SETX: variants seen among roughly 807,000 people sequenced by gnomAD.
The protein encoded by SETX is helicase senataxin.
Under a neutral mutation model 227.2 loss-of-function variants are expected in SETX, and 90 were observed. The observed-to-expected ratio is 0.40, with a 90% CI of 0.33 to 0.47. SETX has a LOEUF of 0.47. SETX is among the 20% of genes least tolerant of loss of function. The probability of loss-of-function intolerance (pLI) is 0.91; values close to 1 mark genes in which losing one functional copy is unlikely to be tolerated. For synonymous variants in SETX, 1,210 were observed against 1,113.2 expected (o/e 1.09, Z -1.73); for missense variants, 3,052 against 3,181.5 (o/e 0.96, Z 0.98).
At chr9:132,333,477 T>G (rs1371262084) in intron 7 of SETX, among the ~76,000 whole-genome samples, 1 of 117,524 alleles carries the variant, frequency 8.5e-6, no homozygotes, top group East Asian at 2.7e-4. Flanking sequence ...AACAAAAGAA[T>G]AACATTAATA....
chr9:132,344,747 C>G (rs511844), intron 4 of SETX, among the ~76,000 whole-genome samples: 317 of 151,490 alleles, frequency 2.1e-3, no homozygotes, highest in Middle Eastern at 0.014. Context: ...TAGTGGCAGG[C>G]GCCTGTAATC....
At chr9:132,303,214 C>T (rs11243722) in intron 11 of SETX, among the ~76,000 whole-genome samples, 1 of 151,024 alleles carries the variant, frequency 6.6e-6, no homozygotes, top group Non-Finnish European at 1.5e-5. Context: ...GTAGAGACAG[C>T]GTCTTGCTAT....
At chr9:132,335,170 C>T (rs937664746) in intron 6 of SETX, among the ~76,000 whole-genome samples, 1 of 151,774 alleles carries the variant, frequency 6.6e-6, no homozygotes, top group Non-Finnish European at 1.5e-5. Flanking sequence ...GCGGGCAGAT[C>T]ACAAAGTCAG....
At chr9:132,340,437 T>TG (rs2131528159) in intron 5 of SETX, among the ~76,000 whole-genome samples, 1 of 152,400 alleles carries the variant, frequency 6.6e-6, no homozygotes, top group African/African-American at 2.4e-5. Flanking sequence ...CTTTTCACTC[T>TG]GGGGTACTGG....
intron 1 of SETX, among the ~76,000 whole-genome samples, chr9:132,354,639 A>G (rs1020441157): frequency 6.6e-6 from 1 of 151,974 alleles, no homozygotes; most frequent in African/African-American, 2.4e-5. Flanking sequence ...ATCCACACCA[A>G]AAACAGCTCA....
In SETX at chr9:132,281,527, G is replaced by T. The variant is rs777688043; in HGVS notation, c.6594C>A (p.Arg2198=). The T allele has an allele frequency of 6.2e-7, 1 of 1,614,096 alleles. No individual in the cohort carries two copies. The highest frequency in any genetic ancestry group is 1.1e-5 in the South Asian group (1 of 91,086). Residue 2198 remains arginine (R), a synonymous_variant, in exon 20 of 26, where the codon CGC becomes CGA. Transcript: ENST00000224140. The stretch of plus-strand genomic sequence containing the variant: ...CTCCTACTAGGATGAGCTTATTGCA[G>T]CGATGGATGAGTGGAGTAAGAGTCT... ...EIETLTPLIH[R]CNKLILVGDP...
chr9:132,326,130 C>T (rs574192645), intron 10 of SETX, among the ~76,000 whole-genome samples, 194 bp downstream of exon 10: 22 of 151,746 alleles, frequency 1.4e-4, no homozygotes, highest in African/African-American at 5.3e-4. Context: ...TGCAGTGGCG[C>T]GACCTCGGCT....
At chr9:132,267,610 T>C (rs1018910336) in intron 25 of SETX, among the ~76,000 whole-genome samples, 2 of 152,242 alleles carry the variant, frequency 1.3e-5, no homozygotes, top group Admixed American at 1.3e-4. Context: ...CCAGCTGACA[T>C]GTCGGGAAGT....
In SETX at chr9:132,330,256, C is replaced by A. The variant is rs772698912; in HGVS notation, c.1342G>T (p.Asp448Tyr). 1 of 1,579,500 alleles carries A rather than the reference C, an allele frequency of 6.3e-7. No individual in the cohort carries two copies. Among genetic ancestry groups the A allele is most frequent in the Admixed American group, 1.8e-5 (1 of 56,552 alleles). ...TCAGTGACTTTGTCACACACAGCAT[C>A]TGTTTGGTTGAGGACTTCTTTGACT... ...SEVKEVLNQT[D>Y]AVCDKVTEFF... Residue 448 changes from aspartate to tyrosine, a missense_variant, in exon 10 of 26, where the codon GAT becomes TAT. Around this residue, in one of 10 missense-constraint regions of SETX, gnomAD observed 179 missense variants for 197.1 expected, o/e 0.91. Transcript: ENST00000224140.
chr9:132,311,123 T>C (rs1589700586), intron 11 of SETX, among the ~76,000 whole-genome samples: 1 of 152,122 alleles, frequency 6.6e-6, no homozygotes, highest in East Asian at 1.9e-4. Context: ...CCCGCCACCA[T>C]GCCTGGCTAA....
In SETX at chr9:132,278,076, G is replaced by A; in HGVS notation, c.6836C>T (p.Thr2279Ile). Residue 2279 changes from threonine to isoleucine, a missense_variant, in exon 21 of 26, where the codon ACA becomes ATA. Around this residue, in one of 10 missense-constraint regions of SETX, gnomAD observed 412 missense variants for 589.0 expected, o/e 0.70. Transcript: ENST00000224140. ...AACAATAAGGGGAACTCACCTATTT[G>A]TTTTTAAGTTTCTGTTATAAACATA... ...SNYVYNRNLKTNRQTEAIRCS... is the reference protein window; with the variant it reads ...SNYVYNRNLKINRQTEAIRCS... 6.2e-7 allele frequency: 1 copy of A among 1,613,592 alleles called. No homozygotes were observed. The highest frequency in any genetic ancestry group is 1.1e-5 in the South Asian group (1 of 91,062).
chr9:132,349,257 G>T lies in SETX; in HGVS notation c.172C>A (p.His58Asn). 6.2e-7 allele frequency: 1 copy of T among 1,613,724 alleles called. No individual in the cohort carries two copies. The highest frequency in any genetic ancestry group is 8.5e-7 in the Non-Finnish European group (1 of 1,179,972). The change falls in exon 3 of 26, where the codon CAT (histidine) becomes AAT (asparagine). Residue 58 changes from histidine (H) to asparagine (N), a missense_variant. Around this residue, in one of 10 missense-constraint regions of SETX, gnomAD observed 152 missense variants for 156.2 expected, o/e 0.97. Coordinates refer to ENST00000224140, the MANE Select transcript of SETX (RefSeq NM_015046.7). Reference sequence around the variant, plus strand: ...GCCCATCTAATATATTTTACCTCATGCAAGAATGGCAATTCATCTCTTGCT... The same window carrying T: ...GCCCATCTAATATATTTTACCTCATTCAAGAATGGCAATTCATCTCTTGCT... ...HKARDELPFL[H>N]EVLWELETLR... is the part of the protein sequence containing the mutation.
At chr9:132,281,324 T>C in intron 20 of SETX, 143 bp downstream of exon 20, 1 of 656,302 alleles carries the variant, frequency 1.5e-6, no homozygotes, top group South Asian at 1.7e-5. Flanking sequence ...TAAAATTTAT[T>C]AAGTGCTTCT....
chr9:132,327,220 T>C lies in SETX; in HGVS notation c.4378A>G (p.Thr1460Ala). ...TVPTNEVIVS[T>A]SEDPLGGGDP... Reference sequence around the variant, plus strand: ...CCTCCACCCAGAGGGTCTTCTGAAGTGGAGACAATTACTTCATTTGTTGGT... The same window carrying C: ...CCTCCACCCAGAGGGTCTTCTGAAGCGGAGACAATTACTTCATTTGTTGGT... Residue 1460 changes from threonine to alanine, a missense_variant, in exon 10 of 26, where the codon ACT becomes GCT. This residue lies in a region of SETX where 1,483 missense variants were observed against 1,312.0 expected (regional missense o/e 1.13). Transcript: ENST00000224140. 1.2e-6 allele frequency: 2 copies of C among 1,614,216 alleles called. No homozygotes were observed. Among genetic ancestry groups the C allele is most frequent in the Non-Finnish European group, 1.7e-6 (2 of 1,180,038 alleles).
At chr9:132,356,234 G>A (rs1424720405), upstream of SETX, among the ~76,000 whole-genome samples, 1 of 151,804 alleles carries the variant, frequency 6.6e-6, no homozygotes, top group Non-Finnish European at 1.5e-5. Context: ...ATGGAGTCGC[G>A]CTCTGTCACC....
rs186147811 is a variant in SETX at position 132,262,186 on chromosome 9, T to A, written c.*2053A>T. On this transcript the variant is annotated 3_prime_UTR_variant, in exon 26 of 26. Transcript: ENST00000224140. ...GGTGAACACAACGTAAGAACAGGCA[T>A]CAAACTTCACTGGAAATAATATTGT... 6.6e-6 allele frequency: 1 copy of A among 152,224 alleles called. No homozygotes were observed. Among genetic ancestry groups the A allele is most frequent in the African/African-American group, 2.4e-5 (1 of 41,450 alleles). 9.4% of individuals were successfully genotyped at this position (152,224 alleles called of 1,614,324 possible).
rs928660175 is a variant in SETX, at chr9:132,261,688, A to T, written c.*2551T>A. ...TTTTGTTATAAAATTCATTTACAGG[A>T]GGTTATTCACATGTACTTGTCAAAT... is the stretch of plus-strand genomic sequence containing the variant. On this transcript the variant is annotated 3_prime_UTR_variant, in exon 26 of 26. Coordinates refer to ENST00000224140, the MANE Select transcript of SETX (RefSeq NM_015046.7). The T allele has an allele frequency of 2.0e-5, 3 of 153,158 alleles. No homozygotes were observed. The highest frequency in any genetic ancestry group is 6.5e-5 in the Admixed American group (1 of 15,270). The allele number at this position is 153,158 out of a possible 1,614,324, so 9.5% of individuals were successfully genotyped here.
intron 3 of SETX, among the ~76,000 whole-genome samples, chr9:132,348,197 T>C (rs1848398823): frequency 6.6e-6 from 1 of 151,032 alleles, no homozygotes; most frequent in Non-Finnish European, 1.5e-5. Flanking sequence ...CCATCTCTAC[T>C]AAAAATAAAA....
At chr9:132,285,202 CTGA>C (rs1316066819) in intron 18 of SETX, among the ~76,000 whole-genome samples, 1 of 152,006 alleles carries the variant, frequency 6.6e-6, no homozygotes, top group Non-Finnish European at 1.5e-5. Flanking sequence ...AACTGTTTAT[CTGA>C]TGATAATTAT....
Sources: allele counts gnomAD v4.1 joint callset (sites outside exome capture counted in the v4.1 genomes callset), GRCh38; gene constraint gnomAD v4.1.1; regional missense constraint gnomAD v4.1.1; transcripts MANE v1.5; gene names NCBI Gene and HGNC (gene_info 2026-07-23, HGNC 2026-07-21).